ABCB1: variants seen among roughly 807,000 people sequenced by gnomAD.
The protein encoded by ABCB1 is ATP-dependent translocase ABCB1.
A neutral mutation model predicts 142.0 loss-of-function variants in ABCB1; 69 were observed. The ratio of observed to expected loss-of-function variants is 0.49; its 90% confidence interval spans 0.40 to 0.59. ABCB1 has a LOEUF of 0.59. ABCB1 is among the 20% of genes least tolerant of loss of function. The pLI, the probability that ABCB1 is intolerant of heterozygous loss-of-function variation, is 0.00. For synonymous variants in ABCB1, 532 were observed against 539.2 expected, an observed-to-expected ratio of 0.99 and a Z score of 0.18; for missense variants, 1,326 against 1,554.7, an observed-to-expected ratio of 0.85 and a Z score of 2.47.
chr7:87,674,259 GGCAGTGATGTACAT>G (rs1192530113), intron 1 of ABCB1, among the ~76,000 whole-genome samples: 2 of 152,198 alleles, frequency 1.3e-5, no homozygotes, highest in African/African-American at 4.8e-5. Flanking sequence ...GTGGAAGCGA[GGCAGTGATGTACAT>G]GCAGGTACTT....
intron 1 of ABCB1, among the ~76,000 whole-genome samples, chr7:87,710,243 T>C (rs1021523037): frequency 5.9e-5 from 9 of 152,176 alleles, no homozygotes; most frequent in African/African-American, 1.2e-4. Flanking sequence ...TGATTTGCGG[T>C]ATTGAAGTAG....
intron 7 of ABCB1, among the ~76,000 whole-genome samples, chr7:87,564,699 A>T (rs1390682755): frequency 6.6e-6 from 1 of 152,174 alleles, no homozygotes; most frequent in Non-Finnish European, 1.5e-5. Context: ...GTTTGAAATG[A>T]TACCAAAAGT....
intron 1 of ABCB1, among the ~76,000 whole-genome samples, chr7:87,711,630 TA>T (rs1830094442): frequency 6.6e-6 from 1 of 152,168 alleles, no homozygotes; most frequent in South Asian, 2.1e-4. Context: ...AACTTAGACA[TA>T]AACTGTTTAA....
At chr7:87,529,044 A>C (rs574632082) in intron 21 of ABCB1, among the ~76,000 whole-genome samples, 1 of 152,348 alleles carries the variant, frequency 6.6e-6, no homozygotes, top group African/African-American at 2.4e-5. Flanking sequence ...GTATGATCAG[A>C]AGCCATTTGG....
At chr7:87,630,715 A>G (rs1821130385) in intron 1 of ABCB1, among the ~76,000 whole-genome samples, 1 of 150,266 alleles carries the variant, frequency 6.7e-6, no homozygotes, top group African/African-American at 2.4e-5. Flanking sequence ...TCAAATTCTC[A>G]GTATAGCATC....
intron 1 of ABCB1, among the ~76,000 whole-genome samples, chr7:87,623,787 C>T (rs1820312032): frequency 6.6e-6 from 1 of 152,056 alleles, no homozygotes; most frequent in African/African-American, 2.4e-5. Context: ...CTTTCCCTCC[C>T]AGTAGATTCA....
At chr7:87,687,302 A>C (rs1394136773) in intron 1 of ABCB1, among the ~76,000 whole-genome samples, 1 of 152,054 alleles carries the variant, frequency 6.6e-6, no homozygotes, top group Non-Finnish European at 1.5e-5. Context: ...TGTAAGGAGC[A>C]CACTTCTTCT....
intron 3 of ABCB1, 83 bp downstream of exon 3, chr7:87,595,683 C>T: frequency 1.7e-6 from 2 of 1,159,564 alleles, no homozygotes; most frequent in South Asian, 1.3e-5. Context: ...GAAAATCTTA[C>T]ATCAGATGAA....
rs28401770 is a variant in ABCB1 at position 87,530,012 on chromosome 7, G to T, written c.2685+1282C>A. ...GGGAGGTACTACAGCTGGCCCAAAA[G>T]ATTTTCCAGAGGGAACCCCCCAAAA... On this transcript the variant is annotated intron_variant, in intron 21 of 27. Coordinates refer to ENST00000622132, the MANE Select transcript of ABCB1 (RefSeq NM_001348946.2). 3.7e-3 allele frequency among the ~76,000 whole-genome samples: 562 copies of T among 152,294 alleles called. 15 individuals are homozygous for T. Among genetic ancestry groups the T allele is most frequent in the Admixed American group, 0.033 (502 of 15,294 alleles).
At position 87,542,476 on chromosome 7, in the gene ABCB1, G is replaced by A. The variant is rs891248953; in HGVS notation, c.2212-1012C>T. Among the ~76,000 whole-genome samples, 6 of 152,292 alleles carry A rather than the reference G, an allele frequency of 3.9e-5. No individual in the cohort carries two copies. The South Asian group carries it at 1.0e-3, about 26-fold the overall frequency. On this transcript the variant is annotated intron_variant, in intron 17 of 27. Coordinates refer to ENST00000622132, the MANE Select transcript of ABCB1 (RefSeq NM_001348946.2). ...TCAAGGATATAAATCCAGGCAATCC[G>A]ATGCAGAGCCCACTATCTTCAATGA...
At chr7:87,693,837 T>C in intron 1 of ABCB1, 1 of 1,490,630 alleles carries the variant, frequency 6.7e-7, no homozygotes, top group Non-Finnish European at 9.2e-7. Context: ...GGCTATTCAG[T>C]TTGGAACTGT....
At chr7:87,707,630 C>T (rs1288294308) in intron 1 of ABCB1, among the ~76,000 whole-genome samples, 1 of 151,806 alleles carries the variant, frequency 6.6e-6, no homozygotes, top group African/African-American at 2.4e-5. Context: ...GCTTAGATCG[C>T]ACCACTGCAC....
intron 25 of ABCB1, 74 bp from the exon 26 acceptor site, chr7:87,509,555 CT>C (rs1814914294): frequency 6.7e-7 from 1 of 1,483,456 alleles, no homozygotes. Context: ...ATCATTATTT[CT>C]TACACTGAAA....
chr7:87,555,421 T>G (rs1269652034), intron 8 of ABCB1, among the ~76,000 whole-genome samples: 1 of 152,220 alleles, frequency 6.6e-6, no homozygotes, highest in Non-Finnish European at 1.5e-5. Flanking sequence ...ATTAATTTCC[T>G]TTGGAGAACT....
intron 16 of ABCB1, among the ~76,000 whole-genome samples, chr7:87,544,592 T>G (rs1195404683): frequency 4.6e-5 from 7 of 152,210 alleles, no homozygotes; most frequent in African/African-American, 1.4e-4. Context: ...TTTTGATATT[T>G]GAAGACCCGC....
At chr7:87,587,426 G>C (rs551624315) in intron 3 of ABCB1, among the ~76,000 whole-genome samples, 1 of 152,262 alleles carries the variant, frequency 6.6e-6, no homozygotes, top group East Asian at 1.9e-4. Flanking sequence ...CCTTCAGAGA[G>C]GTTAAAGAAA....
chr7:87,525,900 GC>G (rs1172983193), intron 21 of ABCB1, among the ~76,000 whole-genome samples: 1 of 152,102 alleles, frequency 6.6e-6, no homozygotes, highest in Admixed American at 6.6e-5. Context: ...TCCACTGTTT[GC>G]TTCAGTTTCA....
chr7:87,649,306 C>A (rs1434785533), intron 1 of ABCB1, among the ~76,000 whole-genome samples: 1 of 152,108 alleles, frequency 6.6e-6, no homozygotes, highest in Non-Finnish European at 1.5e-5. Flanking sequence ...ATAGAGCTTA[C>A]AAATAAATCA....
rs1180248462 is a variant in ABCB1 at position 87,522,266 on chromosome 7, C to T, written c.2686-1390G>A. 5.6e-6 allele frequency: 5 copies of T among 900,054 alleles called. No individual in the cohort carries two copies. In the East Asian group the frequency reaches 9.6e-5, roughly 17 times the overall value. The allele number at this position is 900,054 out of a possible 1,614,324, so 55.8% of individuals were successfully genotyped here. A position where few individuals can be genotyped will look rare whatever the true frequency, so the allele number is the denominator to read the frequency against. ...TTGGCAATTACAACAATTAGTTTTA[C>T]ATTTTGGACCCATGAAGGGAGGAAA... On this transcript the variant is annotated intron_variant, in intron 21 of 27. Coordinates refer to ENST00000622132, the MANE Select transcript of ABCB1 (RefSeq NM_001348946.2).
Sources: allele counts gnomAD v4.1 joint callset (sites outside exome capture counted in the v4.1 genomes callset), GRCh38; gene constraint gnomAD v4.1.1; transcripts MANE v1.5; gene names NCBI Gene and HGNC (gene_info 2026-07-23, HGNC 2026-07-21).